PLCH1: variants seen among roughly 807,000 people sequenced by gnomAD.
The protein encoded by PLCH1 is 1-phosphatidylinositol 4,5-bisphosphate phosphodiesterase eta-1.
In PLCH1, 60 loss-of-function variants were observed where a neutral mutation model predicts 126.7. The observed-to-expected ratio is 0.47, with a 90% CI of 0.38 to 0.59. The LOEUF is 0.59. Among genes scored for constraint, PLCH1 ranks in the 20% least tolerant of loss-of-function variants. The probability of loss-of-function intolerance (pLI) is 0.00; values close to 1 mark genes in which losing one functional copy is unlikely to be tolerated. For synonymous variants in PLCH1, 719 were observed against 734.9 expected (o/e 0.98, Z 0.35); for missense variants, 1,723 against 2,040.0 (o/e 0.84, Z 2.99).
At chr3:155,738,828 G>A (rs184190962) in intron 1 of PLCH1, among the ~76,000 whole-genome samples, 21 of 151,740 alleles carry the variant, frequency 1.4e-4, no homozygotes, top group African/African-American at 4.8e-4. Context: ...GCACACGCCC[G>A]TAGTCCCAGC....
intron 2 of PLCH1, among the ~76,000 whole-genome samples, chr3:155,688,846 G>A (rs1745154628): frequency 6.6e-6 from 1 of 152,206 alleles, no homozygotes; most frequent in Non-Finnish European, 1.5e-5. Flanking sequence ...GAAGAACTTT[G>A]TATTGTGGCC....
intron 1 of PLCH1, among the ~76,000 whole-genome samples, chr3:155,730,882 T>C (rs1748721823): frequency 6.6e-6 from 1 of 151,880 alleles, no homozygotes; most frequent in Non-Finnish European, 1.5e-5. Flanking sequence ...AAGATGGAGG[T>C]GAATAATGGA....
intron 1 of PLCH1, among the ~76,000 whole-genome samples, chr3:155,706,614 T>C (rs1746692565): frequency 1.7e-5 from 2 of 116,334 alleles, no homozygotes; most frequent in Non-Finnish European, 1.7e-5. Flanking sequence ...AGACTCCGTC[T>C]CAAAAAAAAA....
intron 12 of PLCH1, among the ~76,000 whole-genome samples, chr3:155,504,997 C>T (rs550747599): frequency 6.6e-6 from 1 of 152,160 alleles, no homozygotes; most frequent in Non-Finnish European, 1.5e-5. Context: ...GGGGTTAAGT[C>T]ATTTTCAGTT....
At position 155,607,023 on chromosome 3, in the gene PLCH1, G is replaced by C. The variant is rs373506199; in HGVS notation, c.80-10645C>G. Among the ~76,000 whole-genome samples the C allele has an allele frequency of 3.9e-5, 6 of 152,282 alleles. 1 individual carries two copies. The highest frequency in any genetic ancestry group is 6.5e-5 in the Admixed American group (1 of 15,298). ...TAAAGAAATCTCCATGTGTAACAGT[G>C]TCTGCTTTTCCTGGACAAAATGGTG... On this transcript the variant is annotated intron_variant, in intron 2 of 22. Coordinates refer to ENST00000460012, the MANE Select transcript of PLCH1 (RefSeq NM_014996.4).
chr3:155,713,650 G>T (rs1168573825), intron 1 of PLCH1, among the ~76,000 whole-genome samples: 3 of 152,146 alleles, frequency 2.0e-5, no homozygotes, highest in Non-Finnish European at 4.4e-5. Context: ...AGGTATCAAG[G>T]GACAATGGAC....
At chr3:155,488,857 A>C in intron 19 of PLCH1, 51 bp from the exon 20 acceptor site, 1 of 1,533,940 alleles carries the variant, frequency 6.5e-7, no homozygotes, top group Non-Finnish European at 8.8e-7. Flanking sequence ...CTTGGCTGAA[A>C]ATGAGTTGGC....
intron 2 of PLCH1, among the ~76,000 whole-genome samples, chr3:155,689,233 T>G (rs1745190628): frequency 6.6e-6 from 1 of 151,950 alleles, no homozygotes; most frequent in South Asian, 2.1e-4. Flanking sequence ...ACTCTACGAG[T>G]CTGAAAAAAA....
chr3:155,577,215 C>T (rs1218637509), intron 6 of PLCH1, among the ~76,000 whole-genome samples: 1 of 152,092 alleles, frequency 6.6e-6, no homozygotes, highest in South Asian at 2.1e-4. Flanking sequence ...TCCATGATCG[C>T]ACCCACTGCA....
chr3:155,657,982 C>T (rs925189035), intron 2 of PLCH1: 4 of 157,020 alleles, frequency 2.5e-5, no homozygotes, highest in Non-Finnish European at 5.7e-5. Context: ...AGGCCAGATA[C>T]AAGAGGAGGT....
chr3:155,628,063 G>A (rs562895004), intron 2 of PLCH1, among the ~76,000 whole-genome samples: 10 of 151,974 alleles, frequency 6.6e-5, no homozygotes, highest in Admixed American at 4.6e-4. Context: ...CACCACTCCC[G>A]GGCTTAAGAC....
At chr3:155,743,167 C>T in intron 1 of PLCH1, 1 of 417,062 alleles carries the variant, frequency 2.4e-6, no homozygotes, top group Non-Finnish European at 4.7e-6. Flanking sequence ...AAATGCTAGG[C>T]TGTATGTAAA....
intron 2 of PLCH1, among the ~76,000 whole-genome samples, chr3:155,695,230 T>A (rs1271488797): frequency 6.6e-6 from 1 of 152,178 alleles, no homozygotes; most frequent in Non-Finnish European, 1.5e-5. Flanking sequence ...CTTTAAGAAA[T>A]TATTTTAAAG....
At chr3:155,503,145 G>A (rs1718149217) in intron 13 of PLCH1, among the ~76,000 whole-genome samples, 1 of 152,158 alleles carries the variant, frequency 6.6e-6, no homozygotes, top group East Asian at 1.9e-4. Flanking sequence ...GCAGGTTGAT[G>A]TCTTTCACAA....
chr3:155,653,898 A>G (rs1259853361), intron 2 of PLCH1, among the ~76,000 whole-genome samples: 1 of 152,082 alleles, frequency 6.6e-6, no homozygotes, highest in African/African-American at 2.4e-5. Context: ...CCCTGATCCT[A>G]TATCCCTCCC....
In PLCH1 at chr3:155,733,957, A is replaced by G. The variant is rs973235961; in HGVS notation, c.-41+10883T>C. The stretch of plus-strand genomic sequence containing the variant: ...TACATATATATATATATATATATAT[A>G]TATATATATATATATATATATGCAC... On this transcript the variant is annotated intron_variant, in intron 1 of 22. Coordinates refer to ENST00000460012, the MANE Select transcript of PLCH1 (RefSeq NM_014996.4). 7.4e-3 allele frequency among the ~76,000 whole-genome samples: 720 copies of G among 96,972 alleles called. 9 individuals carry two copies. Among genetic ancestry groups the G allele is most frequent in the African/African-American group, 0.027 (687 of 25,686 alleles). The allele number at this position is 96,972 out of a possible 152,430, so 63.6% of individuals were successfully genotyped here. A position where few individuals can be genotyped will look rare whatever the true frequency, so the allele number is the denominator to read the frequency against.
rs142387317 is a variant in PLCH1, at chr3:155,739,673, C to T, written c.-41+5167G>A. On this transcript the variant is annotated intron_variant, in intron 1 of 22. Coordinates refer to ENST00000460012, the MANE Select transcript of PLCH1 (RefSeq NM_014996.4). Reference sequence around the variant, plus strand: ...ACAAATTTCCCGCCTATTACCACTGCATTCCTGAGTAGTAATAGGATGTAA... The same window carrying T: ...ACAAATTTCCCGCCTATTACCACTGTATTCCTGAGTAGTAATAGGATGTAA... Among the ~76,000 whole-genome samples, 753 of 152,304 alleles carry T rather than the reference C, an allele frequency of 4.9e-3. 3 individuals are homozygous for T. Among genetic ancestry groups the T allele is most frequent in the Middle Eastern group, 0.014 (4 of 294 alleles).
chr3:155,551,978 C>T (rs1391069445), intron 9 of PLCH1, among the ~76,000 whole-genome samples: 1 of 152,152 alleles, frequency 6.6e-6, no homozygotes, highest in African/African-American at 2.4e-5. Context: ...ATTACTTCAC[C>T]CATTTGGCTA....
chr3:155,605,705 G>A (rs149754122), intron 2 of PLCH1, among the ~76,000 whole-genome samples: 1 of 152,200 alleles, frequency 6.6e-6, no homozygotes, highest in African/African-American at 2.4e-5. Flanking sequence ...ATGGCAGCCC[G>A]AGTTCAACTG....
Sources: gnomAD v4.1 joint callset for allele counts (sites outside exome capture counted in the v4.1 genomes callset) on GRCh38, gnomAD v4.1.1 for gene constraint, MANE v1.5 for transcripts, NCBI Gene and HGNC (gene_info 2026-07-23, HGNC 2026-07-21) for gene names.